Variants in CSMD1 observed in about 807,000 individuals in gnomAD.
The protein encoded by CSMD1 is CUB and sushi domain-containing protein 1.
In CSMD1, 213 loss-of-function variants were observed where a neutral mutation model predicts 417.5. That is an observed-to-expected ratio of 0.51 (90% CI 0.46 to 0.57). The LOEUF is 0.57. Among genes scored for constraint, CSMD1 ranks in the 20% least tolerant of loss-of-function variants. The probability of loss-of-function intolerance (pLI) is 0.00; values close to 1 mark genes in which losing one functional copy is unlikely to be tolerated. For missense variants in CSMD1, 6,923 were observed against 4,529.7 expected, an observed-to-expected ratio of 1.53 and a Z score of -15.17; for synonymous variants, 2,862 against 1,736.8, an observed-to-expected ratio of 1.65 and a Z score of -16.11.
chr8:4,454,947 T>C (rs559122679), intron 2 of CSMD1, among the ~76,000 whole-genome samples: 4 of 152,318 alleles, frequency 2.6e-5, no homozygotes, highest in East Asian at 1.9e-4. Context: ...ATGACGCTTC[T>C]GTACGTTGTT....
chr8:3,566,707 G>C (rs62475837), intron 10 of CSMD1, among the ~76,000 whole-genome samples: 31,672 of 152,152 alleles, frequency 0.21, 3,463 homozygotes, highest in Admixed American at 0.24. Context: ...TTAGAGACAT[G>C]GAAATCAAAA....
chr8:4,752,912 A>G (rs913466906), intron 1 of CSMD1, among the ~76,000 whole-genome samples: 2 of 152,196 alleles, frequency 1.3e-5, no homozygotes, highest in South Asian at 4.1e-4. Flanking sequence ...TTCCAGCGCT[A>G]TTACAGGGCT....
chr8:3,984,625 T>G (rs1814165853), intron 5 of CSMD1, among the ~76,000 whole-genome samples: 1 of 149,216 alleles, frequency 6.7e-6, no homozygotes, highest in South Asian at 2.1e-4. Context: ...GGGGTTTCAT[T>G]TGAACAAAAT....
chr8:3,630,582 A>C (rs557339131), intron 7 of CSMD1, among the ~76,000 whole-genome samples: 64 of 152,316 alleles, frequency 4.2e-4, no homozygotes, highest in Admixed American at 1.7e-3. Flanking sequence ...GAGGATGTTG[A>C]AGTCATTCAG....
At chr8:4,070,726 C>G (rs749214045) in intron 3 of CSMD1, among the ~76,000 whole-genome samples, 9 of 152,198 alleles carry the variant, frequency 5.9e-5, no homozygotes, top group African/African-American at 2.2e-4. Flanking sequence ...CCATGAAGCC[C>G]GAGCAACCAT....
At chr8:4,800,202 G>A (rs1255005701) in intron 1 of CSMD1, among the ~76,000 whole-genome samples, 4 of 152,118 alleles carry the variant, frequency 2.6e-5, no homozygotes, top group Non-Finnish European at 5.9e-5. Flanking sequence ...ACGTTGGGAA[G>A]CCAAGGCGGA....
At chr8:3,426,788 T>TG (rs1201253300) in intron 12 of CSMD1, among the ~76,000 whole-genome samples, 2 of 152,226 alleles carry the variant, frequency 1.3e-5, no homozygotes, top group African/African-American at 4.8e-5. Context: ...TAATGGGTTG[T>TG]GCCCAGTTAG....
At chr8:3,853,723 GT>G (rs1417364197) in intron 5 of CSMD1, among the ~76,000 whole-genome samples, 1 of 151,946 alleles carries the variant, frequency 6.6e-6, no homozygotes, top group African/African-American at 2.4e-5. Flanking sequence ...CCACCTCGGG[GT>G]GGGGGGAGCA....
At chr8:3,470,438 G>A (rs932489721) in intron 11 of CSMD1, among the ~76,000 whole-genome samples, 6 of 152,212 alleles carry the variant, frequency 3.9e-5, no homozygotes, top group East Asian at 3.9e-4. Context: ...TAGTTTCCCC[G>A]AGTGGTAACA....
At chr8:4,380,411 A>G (rs1423816801) in intron 3 of CSMD1, among the ~76,000 whole-genome samples, 1 of 152,190 alleles carries the variant, frequency 6.6e-6, no homozygotes, top group Admixed American at 6.5e-5. Flanking sequence ...AAAACATCAG[A>G]AACATCACAA....
chr8:4,332,709 T>C (rs891431814), intron 3 of CSMD1, among the ~76,000 whole-genome samples: 2 of 151,972 alleles, frequency 1.3e-5, no homozygotes, highest in African/African-American at 2.4e-5. Flanking sequence ...CATGAAAAAG[T>C]ATTAAGTACT....
At chr8:4,201,945 C>T (rs1454811608) in intron 3 of CSMD1, among the ~76,000 whole-genome samples, 1 of 151,222 alleles carries the variant, frequency 6.6e-6, no homozygotes, top group African/African-American at 2.5e-5. Context: ...TCAAGCCAAC[C>T]ACAAAAACCC....
chr8:3,478,767 T>A (rs7836865), intron 11 of CSMD1, among the ~76,000 whole-genome samples: 5 of 151,980 alleles, frequency 3.3e-5, no homozygotes, highest in South Asian at 4.1e-4. Context: ...TCCAAGGAAG[T>A]CTTCATGTTC....
At chr8:3,338,063 G>C (rs1031909048) in intron 23 of CSMD1, among the ~76,000 whole-genome samples, 4 of 152,188 alleles carry the variant, frequency 2.6e-5, no homozygotes, top group Non-Finnish European at 4.4e-5. Context: ...ATGCCAAGCA[G>C]GCGTTGTGGG....
intron 1 of CSMD1, among the ~76,000 whole-genome samples, chr8:4,663,504 C>T (rs1209500939): frequency 6.6e-6 from 1 of 152,072 alleles, no homozygotes; most frequent in African/African-American, 2.4e-5. Flanking sequence ...CACAGATATT[C>T]CCCTTGCTGT....
rs559630337 is a variant in CSMD1 at position 4,238,189 on chromosome 8, C to T, written c.415+181764G>A. Among the ~76,000 whole-genome samples the T allele has an allele frequency of 4.6e-5, 7 of 152,270 alleles. No homozygotes were observed. The South Asian group carries it at 1.0e-3, about 23-fold the overall frequency. On this transcript the variant is annotated intron_variant, in intron 3 of 69. Coordinates refer to ENST00000635120, the MANE Select transcript of CSMD1 (RefSeq NM_033225.6). Reference sequence around the variant, plus strand: ...AAAGGACATCTTAGAATGCCAAGTACGTCGATATTAACACACTCCCACCCT... The same window carrying T: ...AAAGGACATCTTAGAATGCCAAGTATGTCGATATTAACACACTCCCACCCT...
intron 3 of CSMD1, among the ~76,000 whole-genome samples, chr8:4,045,509 C>T (rs563143191): frequency 1.3e-5 from 2 of 152,284 alleles, no homozygotes; most frequent in East Asian, 3.9e-4. Flanking sequence ...AGACCAGATC[C>T]AGGGACATCA....
chr8:4,180,526 A>C (rs1798303521), intron 3 of CSMD1, among the ~76,000 whole-genome samples: 1 of 151,962 alleles, frequency 6.6e-6, no homozygotes, highest in Admixed American at 6.6e-5. Flanking sequence ...ATGTATACAT[A>C]TGTAACTAAC....
rs376705312 is a variant in CSMD1 at position 4,390,083 on chromosome 8, T to C, written c.415+29870A>G. Reference sequence around the variant, plus strand: ...AGCAATTTGAGAATTACCACTTCTATGCATTCTCCTAAACATTTGGTATTC... The same window carrying C: ...AGCAATTTGAGAATTACCACTTCTACGCATTCTCCTAAACATTTGGTATTC... On this transcript the variant is annotated intron_variant, in intron 3 of 69. Coordinates refer to ENST00000635120, the MANE Select transcript of CSMD1 (RefSeq NM_033225.6). Among the ~76,000 whole-genome samples, 7 of 152,222 alleles carry C rather than the reference T, an allele frequency of 4.6e-5. No homozygotes were observed. In the East Asian group the frequency reaches 1.2e-3, roughly 25 times the overall value.
Sources: gnomAD v4.1 joint callset for allele counts (sites outside exome capture counted in the v4.1 genomes callset) on GRCh38, gnomAD v4.1.1 for gene constraint, MANE v1.5 for transcripts, NCBI Gene and HGNC (gene_info 2026-07-23, HGNC 2026-07-21) for gene names.